The following CTNNA1 variants were observed in gnomAD, a reference collection of about 807,000 sequenced individuals.
CTNNA1 encodes the protein catenin alpha 1.
Under a neutral mutation model 98.4 loss-of-function variants are expected in CTNNA1, and 37 were observed. The ratio of observed to expected loss-of-function variants is 0.38; its 90% CI spans 0.29 to 0.49. The LOEUF is 0.49. CTNNA1 is among the 20% of genes least tolerant of loss of function. The probability of loss-of-function intolerance (pLI) is 0.95; values close to 1 mark genes in which losing one functional copy is unlikely to be tolerated. For synonymous variants in CTNNA1, 404 were observed against 413.2 expected, an observed-to-expected ratio of 0.98 and a Z score of 0.27; for missense variants, 761 against 1,147.2, an observed-to-expected ratio of 0.66 and a Z score of 4.86.
chr5:138,875,385 C>T, intron 7 of CTNNA1: 1 of 986,092 alleles, frequency 1.0e-6, no homozygotes. Flanking sequence ...AGGCTGACGT[C>T]ACCGGATGAC....
rs953061244 is a variant in CTNNA1, at chr5:138,828,604, G to A, written c.1062+886G>A. Among the ~76,000 whole-genome samples the A allele has an allele frequency of 6.6e-5, 10 of 152,244 alleles. No individual in the cohort carries two copies. In the East Asian group the frequency reaches 1.9e-3, roughly 29 times the overall value. ...GGAAGAAGGACAACAACACAAATTA[G>A]TTGTCATCACTAGCGTTTTTTACCT... On this transcript the variant is annotated intron_variant, in intron 7 of 17. Transcript: ENST00000302763.
chr5:138,771,599 C>G (rs1477665202), intron 1 of CTNNA1, among the ~76,000 whole-genome samples: 1 of 152,014 alleles, frequency 6.6e-6, no homozygotes, highest in East Asian at 1.9e-4. Flanking sequence ...GTTGCCCAGA[C>G]TGGTCTTGAA....
chr5:138,933,749 C>T, intron 17 of CTNNA1, 53 bp from the exon 18 acceptor site: 6 of 1,577,008 alleles, frequency 3.8e-6, no homozygotes, highest in Non-Finnish European at 5.2e-6. Context: ...CACCTGTGTC[C>T]ACGAGGCTGG....
At chr5:138,838,486 C>A (rs1210272423) in intron 7 of CTNNA1, among the ~76,000 whole-genome samples, 4 of 152,038 alleles carry the variant, frequency 2.6e-5, no homozygotes, top group Non-Finnish European at 4.4e-5. Flanking sequence ...AGAAGTTTAT[C>A]AATTCTAGTG....
chr5:138,880,494 C>T (rs1360870782), intron 7 of CTNNA1, among the ~76,000 whole-genome samples: 5 of 152,180 alleles, frequency 3.3e-5, no homozygotes, highest in Admixed American at 1.3e-4. Context: ...ACCTCCCCGC[C>T]GCCCCTTTTA....
At chr5:138,768,248 G>A (rs1192965847) in intron 1 of CTNNA1, among the ~76,000 whole-genome samples, 1 of 152,082 alleles carries the variant, frequency 6.6e-6, no homozygotes, top group East Asian at 1.9e-4. Context: ...TTGTCAAATA[G>A]GTGTGATGAT....
chr5:138,874,415 G>A lies in CTNNA1; in HGVS notation c.1063-11797G>A. On this transcript the variant is annotated intron_variant, in intron 7 of 17. Coordinates refer to ENST00000302763, the MANE Select transcript of CTNNA1 (RefSeq NM_001903.5). This position sits in a 1 kb window ranked among gnomAD's most constrained non-coding sequence, Gnocchi z 4.1. ...GTTTGGCACTGAGTGGAAGCCCTGA[G>A]AGTCGCAGTAGAAGAGCAGCTTCTC... 1 of 1,613,990 alleles carries A rather than the reference G, an allele frequency of 6.2e-7. No individual in the cohort carries two copies. Among genetic ancestry groups the A allele is most frequent in the Non-Finnish European group, 8.5e-7 (1 of 1,179,890 alleles).
intron 5 of CTNNA1, 71 bp from the exon 6 acceptor site, chr5:138,824,459 C>G: frequency 3.3e-6 from 5 of 1,519,824 alleles, no homozygotes; most frequent in Non-Finnish European, 4.4e-6. Flanking sequence ...TCAGCATTTA[C>G]CAGCAAATTT....
intron 9 of CTNNA1, among the ~76,000 whole-genome samples, chr5:138,890,031 T>A (rs1034127206): frequency 6.6e-6 from 1 of 152,196 alleles, no homozygotes; most frequent in African/African-American, 2.4e-5. Flanking sequence ...TATTTCATTG[T>A]GAGTGTTAAT....
intron 7 of CTNNA1, among the ~76,000 whole-genome samples, chr5:138,858,155 C>G (rs1309627000): frequency 4.1e-5 from 6 of 147,828 alleles, no homozygotes; most frequent in Admixed American, 2.0e-4. Context: ...GAGACAGGTT[C>G]TTGCTCTGTT....
chr5:138,867,954 A>G (rs1387814714), intron 7 of CTNNA1, among the ~76,000 whole-genome samples: 2 of 151,798 alleles, frequency 1.3e-5, no homozygotes, highest in Non-Finnish European at 2.9e-5. Context: ...GTTTCGCCTT[A>G]TTGGCCAGAC....
intron 7 of CTNNA1, chr5:138,869,184 A>AG: frequency 6.6e-6 from 1 of 151,892 alleles, no homozygotes; most frequent in Admixed American, 6.6e-5. Context: ...AAAAAAAAAA[A>AG]AAAAAACCGC....
chr5:138,764,813 G>T (rs1049153095), intron 1 of CTNNA1, among the ~76,000 whole-genome samples: 3 of 147,570 alleles, frequency 2.0e-5, no homozygotes, highest in African/African-American at 7.4e-5. Context: ...TGAAAGATGT[G>T]ATGTTTTCTA....
At chr5:138,816,096 A>G (rs138661257) in intron 5 of CTNNA1, among the ~76,000 whole-genome samples, 1 of 152,268 alleles carries the variant, frequency 6.6e-6, no homozygotes, top group African/African-American at 2.4e-5. Context: ...CCTCACTTCT[A>G]TGAGTCAACT....
Position 138,859,748 on chromosome 5 carries a change from A to G in CTNNA1, c.1063-26464A>G, listed in dbSNP as rs146252919. ...CATGGCAAAACCCCATCTCTACAAT[A>G]AATACAAAAATTAGGCAGGTGTGGT... On this transcript the variant is annotated intron_variant, in intron 7 of 17. Coordinates refer to ENST00000302763, the MANE Select transcript of CTNNA1 (RefSeq NM_001903.5). Among the ~76,000 whole-genome samples the G allele has an allele frequency of 2.7e-3, 408 of 152,162 alleles. 2 individuals carry two copies. The highest frequency in any genetic ancestry group is 8.9e-3 in the African/African-American group (369 of 41,494).
chr5:138,834,344 T>C (rs1342586746), intron 7 of CTNNA1, among the ~76,000 whole-genome samples: 2 of 152,244 alleles, frequency 1.3e-5, no homozygotes, highest in African/African-American at 4.8e-5. Context: ...TTAATTCGGA[T>C]CTGTGTATAT....
chr5:138,887,694 T>C, intron 9 of CTNNA1, 52 bp downstream of exon 9: 2 of 1,505,108 alleles, frequency 1.3e-6, no homozygotes, highest in Non-Finnish European at 9.1e-7. Context: ...TGAAGTGTGG[T>C]GAGTTTTAAT....
rs771582713 is a variant in CTNNA1, at chr5:138,812,175, T to A, written c.469-8T>A. 1 of 1,610,602 alleles carries A rather than the reference T, an allele frequency of 6.2e-7. No homozygotes were observed. Among genetic ancestry groups the A allele is most frequent in the South Asian group, 1.1e-5 (1 of 90,198 alleles). ...TTTTTGGGTTTTGGGGTCTTTCTTA[T>A]TTTATAGGTGGAAGATGGTATCTTG... On this transcript the variant is annotated splice_polypyrimidine_tract_variant and splice_region_variant and intron_variant, in intron 4 of 17. Coordinates refer to ENST00000302763, the MANE Select transcript of CTNNA1 (RefSeq NM_001903.5).
intron 7 of CTNNA1, among the ~76,000 whole-genome samples, chr5:138,829,202 G>C (rs982909864): frequency 6.6e-6 from 1 of 152,130 alleles, no homozygotes; most frequent in African/African-American, 2.4e-5. Flanking sequence ...AATGGAAAAA[G>C]TGGTTTTTAA....
Sources: allele counts gnomAD v4.1 joint callset (sites outside exome capture counted in the v4.1 genomes callset), GRCh38; gene constraint gnomAD v4.1.1; non-coding constraint Gnocchi (gnomAD v3.1); transcripts MANE v1.5; gene names NCBI Gene and HGNC (gene_info 2026-07-23, HGNC 2026-07-21).